Variants in SERPINA9 observed in about 807,000 individuals in gnomAD.
SERPINA9 encodes the protein serpin family A member 9.
Under a neutral mutation model 24.5 loss-of-function variants are expected in SERPINA9, and 32 were observed. The observed-to-expected ratio is 1.30, with a 90% CI of 0.98 to 1.75. The LOEUF (loss-of-function observed/expected upper bound fraction) is 1.75, where lower values mean the gene tolerates loss of function less well. SERPINA9 is among the 40% of genes most tolerant of loss of function. The probability of loss-of-function intolerance (pLI) is 0.00; values close to 1 mark genes in which losing one functional copy is unlikely to be tolerated. For synonymous variants in SERPINA9, 233 were observed against 197.7 expected, an observed-to-expected ratio of 1.18 and a Z score of -1.50; for missense variants, 594 against 497.1, an observed-to-expected ratio of 1.19 and a Z score of -1.85.
intron 3 of SERPINA9, among the ~76,000 whole-genome samples, chr14:94,466,466 A>G (rs1285563860): frequency 6.6e-6 from 1 of 152,208 alleles, no homozygotes; most frequent in Non-Finnish European, 1.5e-5. Context: ...GCACCAGGGA[A>G]CGCTGCTAAA....
intron 1 of SERPINA9, among the ~76,000 whole-genome samples, chr14:94,473,186 C>T (rs1036808538): frequency 6.6e-6 from 1 of 152,240 alleles, no homozygotes; most frequent in African/African-American, 2.4e-5. Flanking sequence ...TCAGTAGACA[C>T]TTGGTGTGCT....
In SERPINA9 at chr14:94,469,545, C is replaced by G. The variant is rs1899197321; in HGVS notation, c.296G>C (p.Gly99Ala). ...CTCTGGTGTGTGTGTGAGGTTGAAG[C>G]CCAGGCCCTGGAGAATCTGGGTCTT... Reference protein sequence around the residue: ...VTKTQILQGLGFNLTHTPESA... With the variant: ...VTKTQILQGLAFNLTHTPESA... Residue 99 changes from glycine to alanine, a missense_variant, in exon 2 of 5, where the codon GGC becomes GCC. Transcript: ENST00000674397. 1 of 1,614,030 alleles carries G rather than the reference C, an allele frequency of 6.2e-7. No homozygotes were observed.
At chr14:94,475,885 T>G (rs1899611574) in intron 1 of SERPINA9, 1 of 516,996 alleles carries the variant, frequency 1.9e-6, no homozygotes, top group African/African-American at 1.9e-5. Context: ...GTGGCCCAAA[T>G]TTTCAAGAGC....
In SERPINA9 at chr14:94,464,855, C is replaced by T. The variant is rs1197302712; in HGVS notation, c.903-1G>A. On this transcript the variant is annotated splice_acceptor_variant, in intron 3 of 4. Transcript: ENST00000674397. LOFTEE classifies it high-confidence loss of function. ...TCTGGGGATGAACACCTCTATCCAC[C>T]TGTGGAGTAGGGAAAAGGAAACAAT... 3 of 1,610,440 alleles carry T rather than the reference C, an allele frequency of 1.9e-6. No individual in the cohort carries two copies. In the South Asian group the frequency reaches 3.3e-5, roughly 18 times the overall value.
At chr14:94,464,379 C>T in intron 4 of SERPINA9, 1 of 412,916 alleles carries the variant, frequency 2.4e-6, no homozygotes, top group Non-Finnish European at 4.3e-6. Context: ...TGGGCAGCCA[C>T]ACTGTGATGC....
chr14:94,475,824 CA>C (rs1015561974), intron 1 of SERPINA9: 1 of 460,280 alleles, frequency 2.2e-6, no homozygotes, highest in African/African-American at 2.0e-5. Flanking sequence ...ACACTCCTTT[CA>C]CCCTCTCATT....
rs552681454 is a variant in SERPINA9, at chr14:94,464,645, G to A, written c.1050+62C>T. Reference sequence around the variant, plus strand: ...TTCCTTATCAACGAAATAAGAGCATGTGATTAATTCTGCAGGTGCTTCCAG... The same window carrying A: ...TTCCTTATCAACGAAATAAGAGCATATGATTAATTCTGCAGGTGCTTCCAG... On this transcript the variant is annotated intron_variant, in intron 4 of 4. Transcript: ENST00000674397. 1.3e-5 allele frequency: 17 copies of A among 1,345,026 alleles called. No homozygotes were observed. The South Asian group carries it at 2.1e-4, about 17-fold the overall frequency. 83.3% of individuals were successfully genotyped at this position (1,345,026 alleles called of 1,614,324 possible).
intron 1 of SERPINA9, among the ~76,000 whole-genome samples, chr14:94,471,654 C>T (rs11160184): frequency 0.16 from 24,262 of 152,042 alleles, 2,008 homozygotes; most frequent in South Asian, 0.2. Context: ...AAGTTACATT[C>T]GCATCCATCC....
rs370139069 is a variant in SERPINA9, at chr14:94,469,747, G to A, written c.94C>T (p.Arg32Cys). 54 of 1,578,536 alleles carry A rather than the reference G, an allele frequency of 3.4e-5. No individual in the cohort carries two copies. The highest frequency in any genetic ancestry group is 6.7e-5 in the African/African-American group (5 of 74,376). ...GGGGTGCTCTTTGTGGAGGAAGGGCGGGGGTATGCACTGGGGGCATTGGCC... is the reference window on the plus strand; with the variant it reads ...GGGGTGCTCTTTGTGGAGGAAGGGCAGGGGTATGCACTGGGGGCATTGGCC... Reference protein sequence around the residue: ...SPANAPSAYPRPSSTKSTPAS... With the variant: ...SPANAPSAYPCPSSTKSTPAS... The change falls in exon 2 of 5, where the codon CGC becomes TGC. Residue 32 changes from arginine to cysteine, a missense_variant. Arg to Cys is a radical substitution (Grantham distance 180, BLOSUM62 -3). Coordinates refer to ENST00000674397, the MANE Select transcript of SERPINA9 (RefSeq NM_175739.4).
At chr14:94,476,106 C>G in intron 1 of SERPINA9, 30 bp downstream of exon 1, 1 of 1,614,080 alleles carries the variant, frequency 6.2e-7, no homozygotes, top group Non-Finnish European at 8.5e-7. Flanking sequence ...CACCACATTC[C>G]CGATCTCTCT....
intron 1 of SERPINA9, among the ~76,000 whole-genome samples, chr14:94,471,050 G>A (rs1012694506): frequency 6.6e-6 from 1 of 152,128 alleles, no homozygotes; most frequent in Non-Finnish European, 1.5e-5. Flanking sequence ...TCCGTCTGAA[G>A]GCTTTTCTCT....
rs748100074 is a variant in SERPINA9, at chr14:94,469,324, C to T, written c.517G>A (p.Ala173Thr). 8.7e-6 allele frequency: 14 copies of T among 1,614,118 alleles called. No individual in the cohort carries two copies. Among genetic ancestry groups the T allele is most frequent in the African/African-American group, 5.3e-5 (4 of 74,938 alleles). Residue 173 changes from alanine to threonine, a missense_variant, in exon 2 of 5, where the codon GCG (alanine) becomes ACG (threonine). Physicochemically the swap from Ala to Thr is moderately conservative, Grantham distance 58. Transcript: ENST00000674397. ...TTTTTCACATGGCTGTTGATCCTCG[C>T]CTGGGCAATGGAGGGGTTGGAGAAA... ...TDFSNPSIAQ[A>T]RINSHVKKKT... is the part of the protein sequence containing the mutation.
intron 2 of SERPINA9, 124 bp from the exon 3 acceptor site, chr14:94,467,506 G>A (rs575551869): frequency 2.3e-6 from 2 of 851,600 alleles, no homozygotes; most frequent in Admixed American, 5.8e-5. Flanking sequence ...ACAAAAAAAT[G>A]CTCTGATATT....
chr14:94,467,382 G>T lies in SERPINA9; in HGVS notation c.629C>A (p.Ala210Asp), dbSNP rs1899060453. 1.2e-6 allele frequency: 2 copies of T among 1,600,734 alleles called. No homozygotes were observed. Among genetic ancestry groups the T allele is most frequent in the Non-Finnish European group, 1.7e-6 (2 of 1,171,164 alleles). Residue 210 changes from alanine (A) to aspartate (D), a missense_variant and splice_region_variant, in exon 3 of 5, where the codon GCC becomes GAC. By Grantham distance (126) the Ala-to-Asp change is moderately radical. Transcript: ENST00000674397. ...AGGGTGAAAGGGCTTCTCCCACTTG[G>T]CTAGCACAAAGAGAGAAAAGAAGTC... ...MVLVNHIFFK[A>D]KWEKPFHPEY...
Position 94,467,361 on chromosome 14 carries a change from T to A in SERPINA9, c.650A>T (p.His217Leu), listed in dbSNP as rs759349102. ...GAAGTTCTTTCTTGTATATTCAGGG[T>A]GAAAGGGCTTCTCCCACTTGGCTAG... ...FFKAKWEKPF[H>L]PEYTRKNFPF... is the part of the protein sequence containing the mutation. Residue 217 changes from histidine (H) to leucine (L), a missense_variant, in exon 3 of 5, where the codon CAC (histidine) becomes CTC (leucine). Physicochemically the swap from His to Leu is moderately conservative, Grantham distance 99. Transcript: ENST00000674397. 6 of 1,609,770 alleles carry A rather than the reference T, an allele frequency of 3.7e-6. No homozygotes were observed. The highest frequency in any genetic ancestry group is 5.1e-6 in the Non-Finnish European group (6 of 1,176,626).
chr14:94,467,846 T>C (rs1052096521), intron 2 of SERPINA9, among the ~76,000 whole-genome samples: 2 of 151,076 alleles, frequency 1.3e-5, no homozygotes, highest in African/African-American at 2.4e-5. Context: ...GAGGGATAGA[T>C]AGATGAATAG....
At chr14:94,473,856 C>T (rs114904762) in intron 1 of SERPINA9, among the ~76,000 whole-genome samples, 126 of 152,330 alleles carry the variant, frequency 8.3e-4, no homozygotes, top group African/African-American at 3.0e-3. Flanking sequence ...TAGAGAACAG[C>T]ATTGTCCTCG....
intron 1 of SERPINA9, chr14:94,470,249 C>T (rs1053304228): frequency 1.0e-6 from 1 of 994,302 alleles, no homozygotes; most frequent in Admixed American, 5.7e-5. Context: ...TGGTTTCTCA[C>T]CCTTTGGAGG....
chr14:94,469,282 C>A lies in SERPINA9; in HGVS notation c.559G>T (p.Val187Phe). The A allele has an allele frequency of 2.5e-6, 4 of 1,614,230 alleles. No individual in the cohort carries two copies. Among genetic ancestry groups the A allele is most frequent in the Non-Finnish European group, 2.5e-6 (3 of 1,180,040 alleles). ...SHVKKKTQGK[V>F]VDIIQGLDLL... ...TCAAGGCCTTGGATTATGTCTACAA[C>A]CTTCCCTTGGGTCTTCTTTTTCACA... Residue 187 changes from valine (V) to phenylalanine (F), a missense_variant, in exon 2 of 5, where the codon GTT becomes TTT. Coordinates refer to ENST00000674397, the MANE Select transcript of SERPINA9 (RefSeq NM_175739.4).
Sources: allele counts gnomAD v4.1 joint callset (sites outside exome capture counted in the v4.1 genomes callset), GRCh38; gene constraint gnomAD v4.1.1; transcripts MANE v1.5; gene names NCBI Gene and HGNC (gene_info 2026-07-23, HGNC 2026-07-21).